The following FRMPD4 variants were observed in gnomAD, a reference collection of about 807,000 sequenced individuals.
FRMPD4 encodes the protein FERM and PDZ domain-containing protein 4.
In FRMPD4, 22 loss-of-function variants were observed where a neutral mutation model predicts 94.1. That is an observed-to-expected ratio of 0.23 (90% CI 0.17 to 0.33). The LOEUF (loss-of-function observed/expected upper bound fraction) is 0.33, where lower values mean the gene tolerates loss of function less well. Among genes scored for constraint, FRMPD4 ranks in the 10% least tolerant of loss-of-function variants. The probability of loss-of-function intolerance (pLI) is 1.00; values close to 1 mark genes in which losing one functional copy is unlikely to be tolerated. For missense variants in FRMPD4, 1,111 were observed against 1,339.9 expected (o/e 0.83, Z 2.67); for synonymous variants, 631 against 548.6 (o/e 1.15, Z -2.10).
rs148780131 is a variant in FRMPD4, at chrX:12,575,118, T to C, written c.159-34603T>C. On this transcript the variant is annotated intron_variant, in intron 2 of 16. Transcript: ENST00000675598. ...GAGGTCCCTTAAGTGATGCCATTCA[T>C]AGAGAACCTATTTGATGTACATGAT... Among the ~76,000 whole-genome samples, 281 of 111,607 alleles carry C rather than the reference T, an allele frequency of 2.5e-3. 2 individuals are homozygous for C. Among genetic ancestry groups the C allele is most frequent in the African/African-American group, 8.8e-3 (271 of 30,742 alleles).
chrX:11,887,021 T>C (rs2053849408), intron 3 of FRMPD4, among the ~76,000 whole-genome samples: 1 of 111,747 alleles, frequency 8.9e-6, no homozygotes, highest in African/African-American at 3.3e-5. Context: ...TATGCATTTA[T>C]TCATGTGTCT....
intron 1 of FRMPD4, among the ~76,000 whole-genome samples, chrX:12,338,802 A>C (rs1164484169): frequency 8.9e-6 from 1 of 112,395 alleles, no homozygotes; most frequent in African/African-American, 3.2e-5. Flanking sequence ...GAGGTGAAGC[A>C]ACTTGCACCA....
chrX:11,910,456 G>C lies in FRMPD4; in HGVS notation c.95+32438G>C, dbSNP rs138774340. Among the ~76,000 whole-genome samples the C allele has an allele frequency of 4.3e-3, 482 of 111,585 alleles. 2 individuals carry two copies. The highest frequency in any genetic ancestry group is 0.015 in the African/African-American group (455 of 30,719). On this transcript the variant is annotated intron_variant, in intron 3 of 18. Coordinates refer to the FRMPD4 transcript ENST00000640291. ...TTTTCTGGAGACAGAGTCTCACTCT[G>C]TTGCCCAGGCTGGAGTGCAGTGGTG...
chrX:12,239,778 C>T (rs186297991), intron 1 of FRMPD4, among the ~76,000 whole-genome samples: 1 of 111,889 alleles, frequency 8.9e-6, no homozygotes, highest in African/African-American at 3.2e-5. Flanking sequence ...TGGTGAGAGC[C>T]GAATTCCTGG....
intron 2 of FRMPD4, among the ~76,000 whole-genome samples, chrX:12,604,117 G>A (rs772503089): frequency 2.8e-5 from 3 of 108,437 alleles, no homozygotes; most frequent in Non-Finnish European, 5.7e-5. Flanking sequence ...CCTTATTTGG[G>A]TAGAGGAAAA....
At chrX:11,891,042 G>A (rs1202879626) in intron 3 of FRMPD4, among the ~76,000 whole-genome samples, 2 of 112,834 alleles carry the variant, frequency 1.8e-5, no homozygotes, top group South Asian at 7.3e-4. Flanking sequence ...CTCTTGGGGT[G>A]TCTCCAAGGG....
chrX:12,651,603 C>T (rs890639039), intron 4 of FRMPD4, among the ~76,000 whole-genome samples: 1 of 110,918 alleles, frequency 9.0e-6, no homozygotes, highest in Admixed American at 9.7e-5. Flanking sequence ...ATAAAAAAGG[C>T]TTCAACTGCC....
intron 1 of FRMPD4, among the ~76,000 whole-genome samples, chrX:12,219,265 A>T (rs1028554399): frequency 3.6e-5 from 4 of 111,319 alleles, no homozygotes; most frequent in African/African-American, 9.8e-5. Flanking sequence ...GTTACTCAGG[A>T]GGCTGAGGTA....
chrX:12,052,508 G>T (rs1226887984), intron 3 of FRMPD4, among the ~76,000 whole-genome samples: 1 of 111,908 alleles, frequency 8.9e-6, no homozygotes, highest in Non-Finnish European at 1.9e-5. Context: ...GTGGGCAAAG[G>T]AATATATACT....
intron 2 of FRMPD4, among the ~76,000 whole-genome samples, chrX:12,551,891 AT>A (rs1388495737): frequency 7.2e-5 from 8 of 111,280 alleles, no homozygotes; most frequent in Non-Finnish European, 1.3e-4. Flanking sequence ...TGCTAATTCT[AT>A]CATTCCATTT....
In FRMPD4 at chrX:11,827,072, A is replaced by ATATATATG. The variant is rs1225485863; in HGVS notation, c.-161+4364_-161+4365insGTATATAT. ...TTATTTAGATGGAAATTATATATAT[A>ATATATATG]TATATATATATATAAAATATATATG... is the stretch of plus-strand genomic sequence containing the variant. On this transcript the variant is annotated intron_variant, in intron 1 of 18. Coordinates refer to the FRMPD4 transcript ENST00000640291. Among the ~76,000 whole-genome samples, 5 of 98,177 alleles carry ATATATATG rather than the reference A, an allele frequency of 5.1e-5. No individual in the cohort carries two copies. In the East Asian group the frequency reaches 1.5e-3, roughly 30 times the overall value. The allele number at this position is 98,177 out of a possible 115,157, so 85.3% of individuals were successfully genotyped here. A position where few individuals can be genotyped will look rare whatever the true frequency, so the allele number is the denominator to read the frequency against.
chrX:12,090,168 G>A (rs893322434), intron 3 of FRMPD4, among the ~76,000 whole-genome samples: 1 of 111,213 alleles, frequency 9.0e-6, no homozygotes, highest in African/African-American at 3.3e-5. Flanking sequence ...CTGGTGGGAG[G>A]TGATTGAATC....
intron 2 of FRMPD4, among the ~76,000 whole-genome samples, chrX:11,867,328 CTG>C (rs767679839): frequency 3.5e-3 from 388 of 112,150 alleles, no homozygotes; most frequent in Admixed American, 5.9e-3. Context: ...ATTATTAACT[CTG>C]TTTCTAATGC....
chrX:12,487,059 G>T (rs749880842), intron 1 of FRMPD4, among the ~76,000 whole-genome samples: 8 of 112,300 alleles, frequency 7.1e-5, no homozygotes, highest in South Asian at 3.7e-4. Context: ...ACCAGAATGG[G>T]AAACTATGAA....
intron 2 of FRMPD4, among the ~76,000 whole-genome samples, chrX:12,545,255 A>AT (rs62701060): frequency 2.8e-5 from 3 of 108,371 alleles, no homozygotes; most frequent in South Asian, 4.1e-4. Context: ...ATATTATGAG[A>AT]TTTTTTTTTA....
chrX:11,952,023 G>A (rs938361046), intron 3 of FRMPD4, among the ~76,000 whole-genome samples: 8 of 112,254 alleles, frequency 7.1e-5, no homozygotes, highest in South Asian at 3.7e-4. Flanking sequence ...GTGACAGAGC[G>A]AGACCCTGTT....
chrX:12,371,096 T>C (rs1182228351), intron 1 of FRMPD4, among the ~76,000 whole-genome samples: 3 of 112,721 alleles, frequency 2.7e-5, no homozygotes, highest in East Asian at 2.8e-4. Flanking sequence ...TAACATTAAA[T>C]TGCTGTACAC....
At chrX:12,273,506 A>C (rs775831701) in intron 1 of FRMPD4, among the ~76,000 whole-genome samples, 1 of 112,511 alleles carries the variant, frequency 8.9e-6, no homozygotes, top group East Asian at 2.8e-4. Context: ...CAGAAATAAA[A>C]TAATGAAAAT....
At chrX:12,382,327 G>C (rs986101600) in intron 1 of FRMPD4, among the ~76,000 whole-genome samples, 2 of 111,256 alleles carry the variant, frequency 1.8e-5, no homozygotes, top group African/African-American at 6.5e-5. Context: ...AAGGATCGCC[G>C]GGCAGAGGGG....
Sources: gnomAD v4.1 joint callset for allele counts (sites outside exome capture counted in the v4.1 genomes callset) on GRCh38, gnomAD v4.1.1 for gene constraint, MANE v1.5 for transcripts, NCBI Gene and HGNC (gene_info 2026-07-23, HGNC 2026-07-21) for gene names.